The following ERICH6 variants were observed in gnomAD, a reference collection of about 807,000 sequenced individuals.
ERICH6 encodes glutamate rich 6.
In ERICH6, 71 loss-of-function variants were observed where a neutral mutation model predicts 71.0. The ratio of observed to expected loss-of-function variants is 1.00; its 90% CI spans 0.83 to 1.22. The LOEUF (loss-of-function observed/expected upper bound fraction) is 1.22. Ranked by LOEUF, ERICH6 falls within the 50% of genes most tolerant of loss-of-function variation. The pLI is 0.00. For synonymous variants in ERICH6, 262 were observed against 278.4 expected (o/e 0.94, Z 0.59); for missense variants, 808 against 797.2 (o/e 1.01, Z -0.16).
intron 9 of ERICH6, among the ~76,000 whole-genome samples, chr3:150,679,793 G>A (rs1406936284): frequency 1.3e-5 from 2 of 152,062 alleles, no homozygotes; most frequent in African/African-American, 4.8e-5. Context: ...GAGTAGCTGA[G>A]ATTACAGGCG....
intron 11 of ERICH6, among the ~76,000 whole-genome samples, chr3:150,672,582 T>C (rs937508084): frequency 2.6e-5 from 4 of 151,704 alleles, no homozygotes; most frequent in South Asian, 2.1e-4. Context: ...TAGGTGAGAC[T>C]ATGTCTCAAA....
intron 2 of ERICH6, 77 bp downstream of exon 2, chr3:150,702,044 C>A: frequency 9.9e-7 from 1 of 1,007,874 alleles, no homozygotes; most frequent in Non-Finnish European, 1.5e-6. Context: ...TTATTTTACT[C>A]TACTTCCTAA....
chr3:150,697,532 G>C (rs922757235), intron 3 of ERICH6, among the ~76,000 whole-genome samples: 1 of 152,112 alleles, frequency 6.6e-6, no homozygotes, highest in Non-Finnish European at 1.5e-5. Context: ...CCACATGCTA[G>C]ATCTAGTAGT....
chr3:150,673,482 C>G (rs1374923062), intron 11 of ERICH6, among the ~76,000 whole-genome samples: 2 of 152,154 alleles, frequency 1.3e-5, no homozygotes, highest in Non-Finnish European at 2.9e-5. Flanking sequence ...AGCCACCACA[C>G]TAAGTTCCTT....
rs73003077 is a variant in ERICH6, at chr3:150,680,604, A to G, written c.1041-66T>C. 3,709 of 1,593,204 alleles carry G rather than the reference A, an allele frequency of 2.3e-3. 74 individuals carry two copies. In the African/African-American group the frequency reaches 0.043, roughly 18 times the overall value. On this transcript the variant is annotated intron_variant, in intron 8 of 13. Transcript: ENST00000295910. ...GTTGAAGCTTAAAACAGTCTACTAC[A>G]AAATTCAGCTGCTTAAATGCCATCC... is the stretch of plus-strand genomic sequence containing the variant.
At chr3:150,678,767 A>T (rs572446771) in intron 9 of ERICH6, among the ~76,000 whole-genome samples, 5 of 152,286 alleles carry the variant, frequency 3.3e-5, no homozygotes, top group Admixed American at 3.3e-4. Context: ...GAGACTGGGC[A>T]CAGTGGCTCA....
chr3:150,692,152 G>A (rs147074035), intron 3 of ERICH6, among the ~76,000 whole-genome samples: 6 of 152,104 alleles, frequency 3.9e-5, no homozygotes, highest in African/African-American at 1.4e-4. Flanking sequence ...AGGTGATAAA[G>A]GTTATAAAAA....
intron 9 of ERICH6, among the ~76,000 whole-genome samples, chr3:150,679,946 C>A (rs911708824): frequency 2.0e-5 from 3 of 152,248 alleles, no homozygotes; most frequent in African/African-American, 4.8e-5. Context: ...GCGTGAGCCA[C>A]CGCGCCCAGC....
intron 3 of ERICH6, among the ~76,000 whole-genome samples, chr3:150,687,038 A>C (rs530992731): frequency 6.6e-6 from 1 of 152,314 alleles, no homozygotes; most frequent in East Asian, 1.9e-4. Flanking sequence ...AGGTGTGCTG[A>C]CAGGCACCTG....
Position 150,703,735 on chromosome 3 carries a change from A to ACCTCCT in ERICH6, c.158_163dup (p.Glu53_Glu54dup), listed in dbSNP as rs762270129. ...TTCCCCCACCAACTCCTCCTCCACC[A>ACCTCCT]CCTCCTCCTCCTCCTCCTCCACCTC... is the stretch of plus-strand genomic sequence containing the variant. On this transcript the variant is annotated inframe_insertion, in exon 1 of 14. Transcript: ENST00000295910. 4.9e-3 allele frequency: 7,622 copies of ACCTCCT among 1,554,884 alleles called. 493 individuals carry two copies. The African/African-American group carries it at 0.079, about 16-fold the overall frequency.
chr3:150,690,405 G>GA (rs34766940), intron 3 of ERICH6, among the ~76,000 whole-genome samples: 2,164 of 145,258 alleles, frequency 0.015, 46 homozygotes, highest in African/African-American at 0.049. Flanking sequence ...CTAAGATAGG[G>GA]AAAAAAAAAA....
chr3:150,696,673 T>C (rs1204508712), intron 3 of ERICH6, among the ~76,000 whole-genome samples: 2 of 152,136 alleles, frequency 1.3e-5, no homozygotes, highest in South Asian at 2.1e-4. Flanking sequence ...AAAAAACATA[T>C]TATTGGTATC....
At chr3:150,697,436 T>C (rs534035483) in intron 3 of ERICH6, among the ~76,000 whole-genome samples, 35 of 152,318 alleles carry the variant, frequency 2.3e-4, no homozygotes, top group African/African-American at 8.2e-4. Flanking sequence ...TCTACACTTA[T>C]TTCACTCTCC....
At chr3:150,692,347 C>G (rs1003258104) in intron 3 of ERICH6, among the ~76,000 whole-genome samples, 1 of 152,046 alleles carries the variant, frequency 6.6e-6, no homozygotes, top group Non-Finnish European at 1.5e-5. Flanking sequence ...TGAGTTATCA[C>G]TTTGGTTAAA....
In ERICH6 at chr3:150,703,591, C is replaced by G. The variant is rs1713027025; in HGVS notation, c.308G>C (p.Ser103Thr). The change falls in exon 1 of 14, where the codon AGC (serine) becomes ACC (threonine). Residue 103 changes from serine to threonine, a missense_variant. By Grantham distance (58) the Ser-to-Thr change is moderately conservative. Coordinates refer to ENST00000295910, the MANE Select transcript of ERICH6 (RefSeq NM_152394.5). Reference protein sequence around the residue: ...DVRPRLASIVSPSLTSTFVPS... With the variant: ...DVRPRLASIVTPSLTSTFVPS... The stretch of plus-strand genomic sequence containing the variant: ...CACGAACGTAGAGGTCAGGCTAGGG[C>G]TGACGATGCTGGCTAAGCGGGGGCG... 6.2e-7 allele frequency: 1 copy of G among 1,613,932 alleles called. No individual in the cohort carries two copies. Among genetic ancestry groups the G allele is most frequent in the African/African-American group, 1.3e-5 (1 of 74,926 alleles).
intron 11 of ERICH6, among the ~76,000 whole-genome samples, chr3:150,671,091 C>T (rs775421111): frequency 2.6e-5 from 4 of 152,078 alleles, no homozygotes; most frequent in Non-Finnish European, 4.4e-5. Context: ...AGGATTCTGT[C>T]TCTAAAAACT....
At chr3:150,699,724 A>G in intron 2 of ERICH6, among the ~76,000 whole-genome samples, 1 of 65,022 alleles carries the variant, frequency 1.5e-5, no homozygotes, top group South Asian at 4.2e-4. Flanking sequence ...AGATAAAAAC[A>G]AAAAAAAAAA....
intron 3 of ERICH6, among the ~76,000 whole-genome samples, chr3:150,691,122 T>C (rs1374281249): frequency 2.0e-5 from 3 of 152,214 alleles, no homozygotes; most frequent in Admixed American, 2.0e-4. Context: ...CTGTCTCAGT[T>C]ATAATTTTGC....
At chr3:150,663,857 T>C (rs1727308428) in intron 13 of ERICH6, among the ~76,000 whole-genome samples, 1 of 151,966 alleles carries the variant, frequency 6.6e-6, no homozygotes, top group Non-Finnish European at 1.5e-5. Context: ...CTCAAGTTCA[T>C]AGGAGATCTA....
Sources: allele counts gnomAD v4.1 joint callset (sites outside exome capture counted in the v4.1 genomes callset), GRCh38; gene constraint gnomAD v4.1.1; transcripts MANE v1.5; gene names NCBI Gene and HGNC (gene_info 2026-07-23, HGNC 2026-07-21).